Variants in ATP8A2 observed in about 807,000 individuals in gnomAD.
The protein encoded by ATP8A2 is ATPase phospholipid transporting 8A2, also known as phospholipid-transporting ATPase IB.
In ATP8A2, 100 loss-of-function variants were observed where a neutral mutation model predicts 165.6. The observed-to-expected ratio is 0.60, with a 90% CI of 0.51 to 0.71. The LOEUF (loss-of-function observed/expected upper bound fraction) is 0.71, where lower values mean the gene tolerates loss of function less well. Ranked by LOEUF, ATP8A2 falls within the 30% of genes least tolerant of loss-of-function variation. The probability of loss-of-function intolerance (pLI) is 0.00; values close to 1 mark genes in which losing one functional copy is unlikely to be tolerated. For missense variants in ATP8A2, 1,227 were observed against 1,479.5 expected (o/e 0.83, Z 2.80); for synonymous variants, 543 against 548.8 (o/e 0.99, Z 0.15).
intron 24 of ATP8A2, among the ~76,000 whole-genome samples, chr13:25,623,324 AG>A (rs1315409793): frequency 1.3e-5 from 2 of 152,150 alleles, no homozygotes; most frequent in Non-Finnish European, 2.9e-5. Context: ...TGAGCCCAGG[AG>A]TTTGAGGTTG....
chr13:25,943,380 GATGATA>G lies in ATP8A2; in HGVS notation c.3184-18191_3184-18186del, dbSNP rs1955124995. On this transcript the variant is annotated intron_variant, in intron 33 of 36. Coordinates refer to ENST00000381655, the MANE Select transcript of ATP8A2 (RefSeq NM_016529.6). Reference sequence around the variant, plus strand: ...ACATATGACCAGGATGGTCCCCTAAGATGATAATGCCATATTTGTACTGTACCTTTT... The same window carrying G: ...ACATATGACCAGGATGGTCCCCTAAGATGCCATATTTGTACTGTACCTTTT... Among the ~76,000 whole-genome samples the G allele has an allele frequency of 4.6e-5, 7 of 152,288 alleles. No individual in the cohort carries two copies. In the South Asian group the frequency reaches 1.4e-3, roughly 32 times the overall value.
chr13:25,541,868 C>T (rs1180023672), intron 8 of ATP8A2, 51 bp from the exon 9 acceptor site: 4 of 1,607,416 alleles, frequency 2.5e-6, no homozygotes, highest in East Asian at 4.5e-5. Flanking sequence ...GAATGGTGTC[C>T]CTAAGCACAG....
chr13:25,756,910 AG>A (rs1338597203), intron 25 of ATP8A2, among the ~76,000 whole-genome samples: 1 of 152,218 alleles, frequency 6.6e-6, no homozygotes, highest in Non-Finnish European at 1.5e-5. Flanking sequence ...GAGGAAAAAG[AG>A]GACCAGGGAG....
At chr13:25,469,274 C>T (rs1394945821) in intron 2 of ATP8A2, among the ~76,000 whole-genome samples, 153 bp downstream of exon 2, 1 of 151,900 alleles carries the variant, frequency 6.6e-6, no homozygotes, top group African/African-American at 2.4e-5. Flanking sequence ...CACTAGCCCG[C>T]GGTGCAGCCC....
intron 1 of ATP8A2, among the ~76,000 whole-genome samples, chr13:25,433,892 T>A (rs2034680947): frequency 6.6e-6 from 1 of 152,182 alleles, no homozygotes; most frequent in South Asian, 2.1e-4. Context: ...AAATATTGCG[T>A]GTTCTCACTG....
intron 24 of ATP8A2, among the ~76,000 whole-genome samples, chr13:25,641,357 C>T (rs536406854): frequency 6.6e-6 from 1 of 152,152 alleles, no homozygotes; most frequent in East Asian, 1.9e-4. Flanking sequence ...TAGAAAACCC[C>T]ATCGTTTCAG....
At position 25,728,811 on chromosome 13, in the gene ATP8A2, G is replaced by A. The variant is rs76863370; in HGVS notation, c.2384+29466G>A. Among the ~76,000 whole-genome samples, 506 of 152,190 alleles carry A rather than the reference G, an allele frequency of 3.3e-3. 5 individuals carry two copies. The highest frequency in any genetic ancestry group is 0.012 in the African/African-American group (496 of 41,500). ...ACATCTTCATTGCATCCTGAGTGACGGGAAAATTTGTAATTAGCAAATGCA... is the reference window on the plus strand; with the variant it reads ...ACATCTTCATTGCATCCTGAGTGACAGGAAAATTTGTAATTAGCAAATGCA... On this transcript the variant is annotated intron_variant, in intron 25 of 36. Transcript: ENST00000381655.
chr13:25,771,959 C>T (rs9553657), intron 26 of ATP8A2, among the ~76,000 whole-genome samples: 3,160 of 152,114 alleles, frequency 0.021, 115 homozygotes, highest in East Asian at 0.17. Context: ...TATTACGCTT[C>T]GGAGGAAGTA....
chr13:25,692,473 C>A (rs1017619675), intron 24 of ATP8A2, among the ~76,000 whole-genome samples: 1 of 152,010 alleles, frequency 6.6e-6, no homozygotes. Flanking sequence ...TGGAACCATT[C>A]ATTTTTGAAG....
chr13:25,745,317 T>C (rs1436701576), intron 25 of ATP8A2, among the ~76,000 whole-genome samples: 1 of 152,184 alleles, frequency 6.6e-6, no homozygotes, highest in East Asian at 1.9e-4. Context: ...AGCTTGCTCC[T>C]TGTTTTCCTG....
intron 30 of ATP8A2, among the ~76,000 whole-genome samples, chr13:25,844,066 C>T (rs1374470913): frequency 6.6e-6 from 1 of 152,060 alleles, no homozygotes; most frequent in Non-Finnish European, 1.5e-5. Flanking sequence ...CCACTGAGGC[C>T]ATGGGAATTA....
chr13:25,449,813 T>A (rs2035164450), intron 1 of ATP8A2, among the ~76,000 whole-genome samples: 1 of 152,254 alleles, frequency 6.6e-6, no homozygotes. Context: ...TTTGCCCTTG[T>A]AATATTTCTG....
chr13:25,776,287 T>A (rs1368547176), intron 27 of ATP8A2, among the ~76,000 whole-genome samples: 1 of 152,156 alleles, frequency 6.6e-6, no homozygotes, highest in Non-Finnish European at 1.5e-5. Context: ...TTCCAAGCAA[T>A]CAAAAGGGAT....
chr13:25,846,007 C>A (rs865945289), intron 30 of ATP8A2, among the ~76,000 whole-genome samples: 1 of 152,148 alleles, frequency 6.6e-6, no homozygotes, highest in Non-Finnish European at 1.5e-5. Flanking sequence ...GAAACCCCAT[C>A]TCTACTAAAA....
intron 28 of ATP8A2, among the ~76,000 whole-genome samples, chr13:25,829,570 G>T (rs1328344359): frequency 6.7e-6 from 1 of 150,150 alleles, no homozygotes; most frequent in Non-Finnish European, 1.5e-5. Context: ...GGTATCAATG[G>T]AGCTGACACT....
chr13:25,565,186 G>A (rs1293450987), intron 16 of ATP8A2, among the ~76,000 whole-genome samples: 1 of 152,146 alleles, frequency 6.6e-6, no homozygotes, highest in East Asian at 1.9e-4. Context: ...ATTCACAGTT[G>A]TGAATTGTAC....
rs558927377 is a variant in ATP8A2 at position 25,442,582 on chromosome 13, T to C, written c.77-26395T>C. On this transcript the variant is annotated intron_variant, in intron 1 of 36. Transcript: ENST00000381655. ...GTGCACACCACCGTACCTGCCTAAT[T>C]AAAATAATTTTTTTGTAGAGATAGG... 4.6e-5 allele frequency among the ~76,000 whole-genome samples: 7 copies of C among 152,248 alleles called. No individual in the cohort carries two copies. In the East Asian group the frequency reaches 1.3e-3, roughly 29 times the overall value.
intron 19 of ATP8A2, among the ~76,000 whole-genome samples, chr13:25,575,739 T>C (rs976340382): frequency 6.6e-6 from 1 of 151,950 alleles, no homozygotes; most frequent in African/African-American, 2.4e-5. Flanking sequence ...TGGTGGCTCA[T>C]GTAGGAAGTG....
At chr13:25,430,159 C>T (rs751811896) in intron 1 of ATP8A2, among the ~76,000 whole-genome samples, 1 of 152,104 alleles carries the variant, frequency 6.6e-6, no homozygotes, top group African/African-American at 2.4e-5. Flanking sequence ...TAGTAAGCAG[C>T]TATAAATGTG....
Sources: gnomAD v4.1 joint callset for allele counts (sites outside exome capture counted in the v4.1 genomes callset) on GRCh38, gnomAD v4.1.1 for gene constraint, MANE v1.5 for transcripts, NCBI Gene and HGNC (gene_info 2026-07-23, HGNC 2026-07-21) for gene names.